GNAL: variants seen among roughly 807,000 people sequenced by gnomAD.
GNAL encodes G protein subunit alpha L, also known as guanine nucleotide-binding protein G(olf) subunit alpha.
GNAL carries 18 observed loss-of-function variants against 55.1 expected under a neutral mutation model. The ratio of observed to expected loss-of-function variants is 0.33; its 90% CI spans 0.23 to 0.48. The LOEUF (loss-of-function observed/expected upper bound fraction) is 0.48, where lower values mean the gene tolerates loss of function less well. Among genes scored for constraint, GNAL ranks in the 20% least tolerant of loss-of-function variants. GNAL has a pLI of 0.99. For missense variants in GNAL, 412 were observed against 614.1 expected (o/e 0.67, Z 3.48); for synonymous variants, 253 against 237.0 (o/e 1.07, Z -0.62).
At position 11,689,664 on chromosome 18, in the gene GNAL, C is replaced by T; in HGVS notation, c.101C>T (p.Pro34Leu). 2 of 1,423,454 alleles carry T rather than the reference C, an allele frequency of 1.4e-6. No individual in the cohort carries two copies. The highest frequency in any genetic ancestry group is 1.8e-6 in the Non-Finnish European group (2 of 1,094,924). The allele number at this position is 1,423,454 out of a possible 1,614,324, so 88.2% of individuals were successfully genotyped here. Residue 34 changes from proline (P) to leucine (L), a missense_variant, in exon 1 of 12, where the codon CCG (proline) becomes CTG (leucine). By Grantham distance (98) the Pro-to-Leu change is moderately conservative. Coordinates refer to ENST00000334049, the MANE Select transcript of GNAL (RefSeq NM_182978.4). ...CCGGTGGAGGACGCGCAGCCCGCCC[C>T]GGCCCCGGCCCTGGCCCCAGTCCGG... The part of the protein sequence containing the change: ...EPPVEDAQPA[P>L]APALAPVRAA...
chr18:11,765,980 G>A (rs895053098), intron 4 of GNAL, among the ~76,000 whole-genome samples: 2 of 152,146 alleles, frequency 1.3e-5, no homozygotes, highest in Non-Finnish European at 1.5e-5. Context: ...TTAAGTATTA[G>A]AGCATTTTGT....
intron 1 of GNAL, among the ~76,000 whole-genome samples, chr18:11,725,626 G>A (rs2032195385): frequency 1.3e-5 from 2 of 152,180 alleles, no homozygotes; most frequent in South Asian, 4.1e-4. Flanking sequence ...TTCATGGTGT[G>A]ATAGTTCATT....
chr18:11,754,220 G>A (rs1420353279), intron 4 of GNAL, among the ~76,000 whole-genome samples: 2 of 152,064 alleles, frequency 1.3e-5, no homozygotes, highest in Non-Finnish European at 2.9e-5. Flanking sequence ...TTCAAGCCCA[G>A]TCTGTCCAAC....
chr18:11,784,240 G>T (rs966885580), intron 4 of GNAL, among the ~76,000 whole-genome samples: 1 of 152,262 alleles, frequency 6.6e-6, no homozygotes, highest in Non-Finnish European at 1.5e-5. Context: ...TTGTGTTTCT[G>T]TCTTCAGGTC....
At chr18:11,829,533 A>G (rs2143676901) in intron 5 of GNAL, among the ~76,000 whole-genome samples, 1 of 152,334 alleles carries the variant, frequency 6.6e-6, no homozygotes, top group African/African-American at 2.4e-5. Flanking sequence ...GTCACTTCAT[A>G]AAAGAAAGGA....
chr18:11,833,766 G>A lies in GNAL; in HGVS notation c.722+8751G>A, dbSNP rs566823913. ...ATCTCCAATCATGGCGTGAAAATCA[G>A]GACCTTCAAACTATAAAACAAAAAT... On this transcript the variant is annotated intron_variant, in intron 5 of 11. Transcript: ENST00000334049. 5.3e-5 allele frequency: 8 copies of A among 152,292 alleles called. No individual in the cohort carries two copies. In the South Asian group the frequency reaches 8.3e-4, roughly 16 times the overall value. The allele number at this position is 152,292 out of a possible 1,614,324, so 9.4% of individuals were successfully genotyped here. A position where few individuals can be genotyped will look rare whatever the true frequency, so the allele number is the denominator to read the frequency against.
At chr18:11,847,372 AAGTT>A (rs1365011594) in intron 5 of GNAL, among the ~76,000 whole-genome samples, 1 of 152,010 alleles carries the variant, frequency 6.6e-6, no homozygotes, top group African/African-American at 2.4e-5. Flanking sequence ...TCACAAGAGA[AAGTT>A]ATTTTTCACA....
intron 1 of GNAL, among the ~76,000 whole-genome samples, chr18:11,713,842 T>C (rs1317884707): frequency 6.6e-6 from 1 of 152,188 alleles, no homozygotes; most frequent in Admixed American, 6.5e-5. Flanking sequence ...AAAATTGTTA[T>C]GAAAATCTGC....
At chr18:11,791,871 A>G (rs1035543711) in intron 4 of GNAL, among the ~76,000 whole-genome samples, 28 of 151,994 alleles carry the variant, frequency 1.8e-4, no homozygotes, top group African/African-American at 6.8e-4. Context: ...CACCACATCC[A>G]TAGTGCAGCA....
intron 4 of GNAL, among the ~76,000 whole-genome samples, chr18:11,817,682 C>T (rs1322747807): frequency 1.3e-5 from 2 of 152,024 alleles, no homozygotes; most frequent in Non-Finnish European, 1.5e-5. Flanking sequence ...CTCCACCTCC[C>T]AGGTTCCAGT....
chr18:11,698,161 A>G (rs1032977748), intron 1 of GNAL, among the ~76,000 whole-genome samples: 3 of 152,120 alleles, frequency 2.0e-5, no homozygotes, highest in Non-Finnish European at 4.4e-5. Flanking sequence ...TTCTGGAGGA[A>G]GGCAGTGGCC....
chr18:11,880,633 T>C (rs1236857584), intron 11 of GNAL, among the ~76,000 whole-genome samples: 2 of 152,076 alleles, frequency 1.3e-5, no homozygotes, highest in African/African-American at 2.4e-5. Flanking sequence ...AGCCCCTTGG[T>C]GGTATCAGCT....
At chr18:11,699,565 G>T (rs1038082114) in intron 1 of GNAL, among the ~76,000 whole-genome samples, 1 of 151,500 alleles carries the variant, frequency 6.6e-6, no homozygotes, top group Non-Finnish European at 1.5e-5. Context: ...TTGAGGGGGG[G>T]GGTTGGCTTT....
At chr18:11,867,961 C>A (rs761785129) in intron 8 of GNAL, among the ~76,000 whole-genome samples, 1 of 151,400 alleles carries the variant, frequency 6.6e-6, no homozygotes, top group Non-Finnish European at 1.5e-5. Flanking sequence ...CCCGTCTCTA[C>A]TAAAAATGCA....
chr18:11,704,790 T>TA (rs1555641127), intron 1 of GNAL, among the ~76,000 whole-genome samples: 28,127 of 151,910 alleles, frequency 0.19, 5,348 homozygotes, highest in African/African-American at 0.49. Flanking sequence ...AATTTTTTTT[T>TA]AATTTAACAG....
At position 11,689,836 on chromosome 18, in the gene GNAL, G is replaced by C; in HGVS notation, c.273G>C (p.Glu91Asp). Residue 91 changes from glutamate to aspartate, a missense_variant, in exon 1 of 12, where the codon GAG (glutamate) becomes GAC (aspartate). Physicochemically the swap from Glu to Asp is conservative, Grantham distance 45. Coordinates refer to ENST00000334049, the MANE Select transcript of GNAL (RefSeq NM_182978.4). Reference protein sequence around the residue: ...LSAEEREAAKEREAVKEARKV... With the variant: ...LSAEEREAAKDREAVKEARKV... ...CCGAGGAGCGCGAGGCGGCCAAGGA[G>C]CGCGAGGCGGTCAAGGAGGCGAGGA... 1 of 1,537,782 alleles carries C rather than the reference G, an allele frequency of 6.5e-7. No individual in the cohort carries two copies. Among genetic ancestry groups the C allele is most frequent in the Admixed American group, 1.9e-5 (1 of 51,288 alleles).
At chr18:11,788,229 C>G (rs1356171747) in intron 4 of GNAL, among the ~76,000 whole-genome samples, 1 of 152,160 alleles carries the variant, frequency 6.6e-6, no homozygotes, top group Non-Finnish European at 1.5e-5. Flanking sequence ...GATTTTGATT[C>G]AGGAATTCTT....
intron 1 of GNAL, among the ~76,000 whole-genome samples, chr18:11,695,778 C>T (rs929740608): frequency 1.3e-5 from 2 of 152,144 alleles, no homozygotes; most frequent in South Asian, 4.1e-4. Context: ...GTCTGGAATA[C>T]ATCTTTCAAG....
At chr18:11,816,088 A>G (rs1419623268) in intron 4 of GNAL, among the ~76,000 whole-genome samples, 1 of 152,206 alleles carries the variant, frequency 6.6e-6, no homozygotes. Context: ...TTAAACGTTC[A>G]CTTACCATAA....
Sources: gnomAD v4.1 joint callset for allele counts (sites outside exome capture counted in the v4.1 genomes callset) on GRCh38, gnomAD v4.1.1 for gene constraint, MANE v1.5 for transcripts, NCBI Gene and HGNC (gene_info 2026-07-23, HGNC 2026-07-21) for gene names.